Variants in VAT1L observed in about 807,000 individuals in gnomAD.
VAT1L encodes vesicle amine transport 1 like, also known as putative NADPH-dependent quinone oxidoreductase VAT1L.
In VAT1L, 34 loss-of-function variants were observed where a neutral mutation model predicts 44.1. The observed-to-expected ratio is 0.77, with a 90% confidence interval of 0.59 to 1.03. VAT1L has a LOEUF of 1.03. VAT1L is among the 50% of genes least tolerant of loss of function. The probability of loss-of-function intolerance (pLI) is 0.00; values close to 1 mark genes in which losing one functional copy is unlikely to be tolerated. For missense variants in VAT1L, 615 were observed against 538.8 expected, an observed-to-expected ratio of 1.14 and a Z score of -1.40; for synonymous variants, 253 against 202.2, an observed-to-expected ratio of 1.25 and a Z score of -2.13.
intron 7 of VAT1L, among the ~76,000 whole-genome samples, chr16:77,925,983 C>T (rs964708964): frequency 2.0e-5 from 3 of 152,086 alleles, no homozygotes; most frequent in Non-Finnish European, 4.4e-5. Flanking sequence ...GGAGTCGGGG[C>T]CGGGTGCGGT....
At chr16:77,932,159 A>G (rs2017738987) in intron 7 of VAT1L, among the ~76,000 whole-genome samples, 1 of 146,822 alleles carries the variant, frequency 6.8e-6, no homozygotes. Flanking sequence ...GCTGGAGTAC[A>G]GTGGTGCGAT....
rs373285921 is a variant in VAT1L at position 77,825,919 on chromosome 16, A to T, written c.579+458A>T. On this transcript the variant is annotated intron_variant, in intron 3 of 8. Coordinates refer to ENST00000302536, the MANE Select transcript of VAT1L (RefSeq NM_020927.3). ...GCGCCTGTAGTCCCAGCTACTCGGG[A>T]GGCTGAGGCAGAAGAATGGCGTGAA... 2.4e-3 allele frequency among the ~76,000 whole-genome samples: 347 copies of T among 145,758 alleles called. 1 individual carries two copies. Among genetic ancestry groups the T allele is most frequent in the African/African-American group, 8.3e-3 (330 of 39,760 alleles).
chr16:77,866,799 T>C (rs567053102), intron 4 of VAT1L, among the ~76,000 whole-genome samples: 2 of 152,098 alleles, frequency 1.3e-5, no homozygotes, highest in Admixed American at 6.5e-5. Flanking sequence ...AGGAGAGAGA[T>C]GATTATGAGT....
rs111513442 is a variant in VAT1L at position 77,970,339 on chromosome 16, G to A, written c.1078-1511G>A. Among the ~76,000 whole-genome samples the A allele has an allele frequency of 6.6e-3, 1,007 of 152,254 alleles. 16 individuals carry two copies. The highest frequency in any genetic ancestry group is 0.023 in the African/African-American group (944 of 41,542). ...TTTGATAATATGTTACCAGACTGACGCTAAAGTTAAAAGGCATCCATTTCT... is the reference window on the plus strand; with the variant it reads ...TTTGATAATATGTTACCAGACTGACACTAAAGTTAAAAGGCATCCATTTCT... On this transcript the variant is annotated intron_variant, in intron 7 of 8. Transcript: ENST00000302536.
Position 77,963,726 on chromosome 16 carries a change from G to A in VAT1L, c.1078-8124G>A, listed in dbSNP as rs1043688584. On this transcript the variant is annotated intron_variant, in intron 7 of 8. Transcript: ENST00000302536. Reference sequence around the variant, plus strand: ...CTGGATCCCTCCTGAGACTCCCGTGGCTCCACAGTACAGGCTGGGTCCTCA... The same window carrying A: ...CTGGATCCCTCCTGAGACTCCCGTGACTCCACAGTACAGGCTGGGTCCTCA... Among the ~76,000 whole-genome samples the A allele has an allele frequency of 3.3e-5, 5 of 151,934 alleles. No homozygotes were observed. In the East Asian group the frequency reaches 9.7e-4, roughly 30 times the overall value.
At chr16:77,927,264 G>A (rs2142498982) in intron 7 of VAT1L, among the ~76,000 whole-genome samples, 1 of 151,436 alleles carries the variant, frequency 6.6e-6, no homozygotes, top group Admixed American at 6.6e-5. Flanking sequence ...CGTGAACCTG[G>A]GAGGCAGAGC....
Position 77,884,578 on chromosome 16 carries a change from C to T in VAT1L, c.883-30C>T. On this transcript the variant is annotated intron_variant, in intron 6 of 8. Transcript: ENST00000302536. This position sits in a 1 kb window ranked among gnomAD's most constrained non-coding sequence, Gnocchi z 4.5. ...GTAGGCTTAACCCCGGTATTGAGTTCCTATAACCCAATACCACCTCTCTTT... is the reference window on the plus strand; with the variant it reads ...GTAGGCTTAACCCCGGTATTGAGTTTCTATAACCCAATACCACCTCTCTTT... 3 of 1,600,446 alleles carry T rather than the reference C, an allele frequency of 1.9e-6. No homozygotes were observed. Among genetic ancestry groups the T allele is most frequent in the Non-Finnish European group, 1.7e-6 (2 of 1,172,550 alleles).
At chr16:77,913,257 T>C (rs2017517438) in intron 7 of VAT1L, among the ~76,000 whole-genome samples, 1 of 152,260 alleles carries the variant, frequency 6.6e-6, no homozygotes, top group African/African-American at 2.4e-5. Context: ...TAGCACACTG[T>C]TAACTATATA....
intron 3 of VAT1L, among the ~76,000 whole-genome samples, chr16:77,859,278 A>G (rs1247142566): frequency 6.6e-6 from 1 of 152,174 alleles, no homozygotes; most frequent in African/African-American, 2.4e-5. Flanking sequence ...CCAACCTGAC[A>G]GAGTGAGACC....
At chr16:77,959,638 G>T (rs1207035715) in intron 7 of VAT1L, among the ~76,000 whole-genome samples, 1 of 151,996 alleles carries the variant, frequency 6.6e-6, no homozygotes, top group Non-Finnish European at 1.5e-5. Flanking sequence ...AAGTGCTATG[G>T]TTATTAAGTG....
intron 7 of VAT1L, among the ~76,000 whole-genome samples, chr16:77,885,725 T>C (rs923742574): frequency 6.6e-6 from 1 of 152,154 alleles, no homozygotes; most frequent in Admixed American, 6.5e-5. Context: ...ACAAATACTT[T>C]TTAAAAAAAT....
At chr16:77,926,601 G>A (rs1453671468) in intron 7 of VAT1L, among the ~76,000 whole-genome samples, 1 of 152,060 alleles carries the variant, frequency 6.6e-6, no homozygotes, top group Non-Finnish European at 1.5e-5. Flanking sequence ...TAGAAGTAGG[G>A]GTAAGAGCTA....
intron 7 of VAT1L, among the ~76,000 whole-genome samples, chr16:77,941,174 T>C (rs1454749530): frequency 6.6e-6 from 1 of 152,216 alleles, no homozygotes; most frequent in Non-Finnish European, 1.5e-5. Context: ...AGGTGGTACC[T>C]GGAATAAGCA....
At chr16:77,819,829 T>C (rs945061205) in intron 2 of VAT1L, among the ~76,000 whole-genome samples, 5 of 152,254 alleles carry the variant, frequency 3.3e-5, no homozygotes, top group Non-Finnish European at 7.3e-5. Context: ...TGAGTCAGTA[T>C]TTAACTGCTG....
chr16:77,844,064 A>G (rs2016733477), intron 3 of VAT1L, among the ~76,000 whole-genome samples: 4 of 152,228 alleles, frequency 2.6e-5, no homozygotes, highest in South Asian at 2.1e-4. Flanking sequence ...TAAGGGAGAA[A>G]GGCACATAGC....
rs1267042949 is a variant in VAT1L, at chr16:77,912,331, G to A, written c.1077+27529G>A. On this transcript the variant is annotated intron_variant, in intron 7 of 8. Coordinates refer to ENST00000302536, the MANE Select transcript of VAT1L (RefSeq NM_020927.3). The stretch of plus-strand genomic sequence containing the variant: ...TGGGATTGAGTCTTTCATATAATAT[G>A]AGTTCAATAAACAAAATAACATGAT... 3.3e-5 allele frequency among the ~76,000 whole-genome samples: 5 copies of A among 152,158 alleles called. No homozygotes were observed. In the East Asian group the frequency reaches 9.6e-4, roughly 29 times the overall value.
chr16:77,868,958 C>G (rs1252652025), intron 4 of VAT1L, among the ~76,000 whole-genome samples: 2 of 152,076 alleles, frequency 1.3e-5, no homozygotes, highest in African/African-American at 4.8e-5. Flanking sequence ...ATTGATGAGA[C>G]TCTTGAAAGC....
chr16:77,977,838 T>C lies in VAT1L; in HGVS notation c.*143T>C. The C allele has an allele frequency of 1.0e-5, 8 of 775,172 alleles. No individual in the cohort carries two copies. The South Asian group carries it at 1.4e-4, about 14-fold the overall frequency. The allele number at this position is 775,172 out of a possible 1,614,324, so 48.0% of individuals were successfully genotyped here. On this transcript the variant is annotated 3_prime_UTR_variant, in exon 9 of 9. Coordinates refer to ENST00000302536, the MANE Select transcript of VAT1L (RefSeq NM_020927.3). ...GCAGTCAGCTGAGCTAAAAAGCTGT[T>C]GATCACTGTTGTTTTTTGAAGTGCC... is the stretch of plus-strand genomic sequence containing the variant.
chr16:77,795,150 TCC>T (rs1232222407), intron 1 of VAT1L, among the ~76,000 whole-genome samples: 3 of 152,064 alleles, frequency 2.0e-5, no homozygotes, highest in Non-Finnish European at 4.4e-5. Flanking sequence ...CCATTTTGTG[TCC>T]CCTCTCCCTC....
Sources: gnomAD v4.1 joint callset for allele counts (sites outside exome capture counted in the v4.1 genomes callset) on GRCh38, gnomAD v4.1.1 for gene constraint, Gnocchi (gnomAD v3.1) non-coding constraint, MANE v1.5 for transcripts, NCBI Gene and HGNC (gene_info 2026-07-23, HGNC 2026-07-21) for gene names.